Variants in KDM4C observed in about 807,000 individuals in gnomAD.
The protein encoded by KDM4C is lysine-specific demethylase 4C.
Under a neutral mutation model 129.3 loss-of-function variants are expected in KDM4C, and 81 were observed. That is an observed-to-expected ratio of 0.63 (90% CI 0.52 to 0.75). The LOEUF (loss-of-function observed/expected upper bound fraction) is 0.75, where lower values mean the gene tolerates loss of function less well. Ranked by LOEUF, KDM4C falls within the 30% of genes least tolerant of loss-of-function variation. KDM4C has a pLI of 0.00. For missense variants in KDM4C, 1,457 were observed against 1,304.0 expected (o/e 1.12, Z -1.81); for synonymous variants, 573 against 456.1 (o/e 1.26, Z -3.26).
intron 17 of KDM4C, among the ~76,000 whole-genome samples, chr9:7,083,695 A>G (rs1331791247): frequency 2.8e-5 from 4 of 142,762 alleles, no homozygotes; most frequent in Non-Finnish European, 6.1e-5. Context: ...GAAACGTCCC[A>G]TGTAGCACAT....
At chr9:7,007,787 G>C (rs916974187) in intron 12 of KDM4C, among the ~76,000 whole-genome samples, 18 of 151,126 alleles carry the variant, frequency 1.2e-4, no homozygotes, top group African/African-American at 3.9e-4. Context: ...ATCACACCAG[G>C]GAAAATTTAA....
intron 8 of KDM4C, among the ~76,000 whole-genome samples, chr9:6,894,191 T>C (rs1846502034): frequency 6.6e-6 from 1 of 152,254 alleles, no homozygotes; most frequent in Non-Finnish European, 1.5e-5. Context: ...TTTACCTGTG[T>C]ATTTAGAAAA....
chr9:6,807,870 C>T (rs1830359592), intron 3 of KDM4C, among the ~76,000 whole-genome samples: 1 of 146,276 alleles, frequency 6.8e-6, no homozygotes, highest in Non-Finnish European at 1.5e-5. Context: ...ACCTGGCCAG[C>T]CGCCCCGTCC....
chr9:6,990,213 C>T (rs1818475717), intron 11 of KDM4C, among the ~76,000 whole-genome samples: 1 of 152,162 alleles, frequency 6.6e-6, no homozygotes, highest in African/African-American at 2.4e-5. Flanking sequence ...TAATTGACCT[C>T]TGGCTAAAAT....
intron 3 of KDM4C, among the ~76,000 whole-genome samples, chr9:6,809,933 T>G (rs1380428183): frequency 6.6e-6 from 1 of 152,100 alleles, no homozygotes; most frequent in Non-Finnish European, 1.5e-5. Flanking sequence ...GATGCTACCG[T>G]GAGTCGTGAT....
chr9:6,729,028 AC>A (rs1481848956), intron 1 of KDM4C, among the ~76,000 whole-genome samples: 1 of 150,934 alleles, frequency 6.6e-6, no homozygotes, highest in African/African-American at 2.4e-5. Context: ...AGATGGTGAA[AC>A]CCCACCTCTA....
chr9:6,981,228 T>C, intron 9 of KDM4C, 110 bp downstream of exon 9: 1 of 770,484 alleles, frequency 1.3e-6, no homozygotes. Flanking sequence ...CATCATAACT[T>C]AATACCTTTC....
At chr9:6,775,581 G>A (rs149068108) in intron 1 of KDM4C, among the ~76,000 whole-genome samples, 2 of 151,876 alleles carry the variant, frequency 1.3e-5, no homozygotes, top group East Asian at 3.9e-4. Context: ...GGAGCGCAGT[G>A]GCACAATCTC....
chr9:6,958,410 C>A (rs970941287), intron 8 of KDM4C, among the ~76,000 whole-genome samples: 1 of 151,882 alleles, frequency 6.6e-6, no homozygotes, highest in Non-Finnish European at 1.5e-5. Flanking sequence ...CATGGTGAAA[C>A]CCTGTCTCTA....
chr9:6,978,180 C>T (rs11791347), intron 8 of KDM4C, among the ~76,000 whole-genome samples: 38,139 of 152,026 alleles, frequency 0.25, 5,186 homozygotes, highest in South Asian at 0.45. Context: ...AGAGGTTAAA[C>T]AAGCTGTTCA....
chr9:7,103,705 C>G lies in KDM4C; in HGVS notation c.2445C>G (p.His815Gln), dbSNP rs199598768. 1 of 1,613,446 alleles carries G rather than the reference C, an allele frequency of 6.2e-7. No homozygotes were observed. The highest frequency in any genetic ancestry group is 1.1e-5 in the South Asian group (1 of 91,064). The change falls in exon 18 of 22, where the codon CAC becomes CAG. Residue 815 changes from histidine to glutamine, a missense_variant. By Grantham distance (24) the His-to-Gln change is conservative. Transcript: ENST00000381309. ...TCCAGAAATGCATCTTCTGCAGACA[C>G]CGGGTTAAGAGGGTCTCTGGAGCCT... ...RLKLKCIFCR[H>Q]RVKRVSGACI... is the part of the protein sequence containing the mutation.
At chr9:6,840,975 C>G (rs187245456) in intron 4 of KDM4C, among the ~76,000 whole-genome samples, 346 of 152,322 alleles carry the variant, frequency 2.3e-3, no homozygotes, top group Admixed American at 3.9e-3. Context: ...CTAAATGTAA[C>G]TTGGTGATGG....
intron 3 of KDM4C, among the ~76,000 whole-genome samples, chr9:6,814,231 T>G (rs927962057): frequency 6.6e-6 from 1 of 152,184 alleles, no homozygotes; most frequent in Non-Finnish European, 1.5e-5. Context: ...TTTACTTTCT[T>G]GGATTTTTAG....
intron 18 of KDM4C, among the ~76,000 whole-genome samples, chr9:7,126,523 A>C (rs1840039776): frequency 6.6e-6 from 1 of 152,322 alleles, no homozygotes; most frequent in East Asian, 1.9e-4. Flanking sequence ...AGAGGGAGGC[A>C]AGAAAGAACC....
chr9:6,756,752 G>C (rs1427880442), upstream of KDM4C, among the ~76,000 whole-genome samples: 2 of 152,186 alleles, frequency 1.3e-5, no homozygotes, highest in African/African-American at 2.4e-5. Flanking sequence ...GCGGAACTTT[G>C]TTTTTAACAA....
At position 7,094,006 on chromosome 9, in the gene KDM4C, T is replaced by A. The variant is rs533314618; in HGVS notation, c.2425-9679T>A. On this transcript the variant is annotated intron_variant, in intron 17 of 21. Transcript: ENST00000381309. ...GTAGCATTATTTACCTTTTACTGTG[T>A]ATCAGGTACTGTGCTAAACCTCTTA... is the stretch of plus-strand genomic sequence containing the variant. Among the ~76,000 whole-genome samples the A allele has an allele frequency of 2.0e-5, 3 of 152,360 alleles. No homozygotes were observed. In the South Asian group the frequency reaches 6.2e-4, roughly 32 times the overall value.
intron 8 of KDM4C, among the ~76,000 whole-genome samples, chr9:6,920,969 A>G (rs1020938326): frequency 6.6e-6 from 1 of 152,104 alleles, no homozygotes; most frequent in Admixed American, 6.5e-5. Context: ...CTCATCTTAC[A>G]TGACCTCCTG....
At chr9:6,910,703 C>A (rs1467756565) in intron 8 of KDM4C, among the ~76,000 whole-genome samples, 2 of 152,160 alleles carry the variant, frequency 1.3e-5, no homozygotes, top group African/African-American at 4.8e-5. Context: ...ACCCTGCATC[C>A]ACACCTGGGA....
At chr9:6,748,174 AACAAAC>A (rs937089200) in intron 1 of KDM4C, among the ~76,000 whole-genome samples, 24 of 67,120 alleles carry the variant, frequency 3.6e-4, no homozygotes, top group Non-Finnish European at 6.7e-4. Context: ...TCAAAAAAAA[AACAAAC>A]AAACAAACAA....
Sources: allele counts gnomAD v4.1 joint callset (sites outside exome capture counted in the v4.1 genomes callset), GRCh38; gene constraint gnomAD v4.1.1; transcripts MANE v1.5; gene names NCBI Gene and HGNC (gene_info 2026-07-23, HGNC 2026-07-21).